FRAS1: variants seen among roughly 807,000 people sequenced by gnomAD.
FRAS1 encodes the protein extracellular matrix organizing protein FRAS1.
In FRAS1, 290 loss-of-function variants were observed where a neutral mutation model predicts 435.2. The observed-to-expected ratio is 0.67, with a 90% CI of 0.61 to 0.73. FRAS1 has a LOEUF of 0.73. FRAS1 is among the 30% of genes least tolerant of loss of function. The pLI is 0.00. For synonymous variants in FRAS1, 1,800 were observed against 1,851.0 expected (o/e 0.97, Z 0.71); for missense variants, 4,860 against 5,001.5 (o/e 0.97, Z 0.85).
At chr4:78,440,525 A>C (rs1455005601) in intron 40 of FRAS1, among the ~76,000 whole-genome samples, 1 of 152,198 alleles carries the variant, frequency 6.6e-6, no homozygotes, top group Non-Finnish European at 1.5e-5. Context: ...AGCAGGCTAG[A>C]GAAAAACACC....
intron 2 of FRAS1, among the ~76,000 whole-genome samples, chr4:78,087,930 A>C (rs536415194): frequency 4.7e-4 from 72 of 152,192 alleles, no homozygotes; most frequent in Non-Finnish European, 7.5e-4. Flanking sequence ...AACTACTTTA[A>C]AGTTCATATG....
At position 78,180,994 on chromosome 4, in the gene FRAS1, G is replaced by A. The variant is rs532399378; in HGVS notation, c.109-56516G>A. ...CCACCTTGTCCTCCCCTGCCGCCACGTCCTGGGCGGCCAAGGTCTCCAAAA... is the reference window on the plus strand; with the variant it reads ...CCACCTTGTCCTCCCCTGCCGCCACATCCTGGGCGGCCAAGGTCTCCAAAA... On this transcript the variant is annotated intron_variant, in intron 2 of 73. Coordinates refer to ENST00000512123, the MANE Select transcript of FRAS1 (RefSeq NM_025074.7). 2.6e-4 allele frequency: 416 copies of A among 1,610,234 alleles called. 3 individuals are homozygous for A. The South Asian group carries it at 4.3e-3, about 17-fold the overall frequency.
intron 20 of FRAS1, among the ~76,000 whole-genome samples, chr4:78,347,123 C>T (rs1413867704): frequency 6.6e-6 from 1 of 152,204 alleles, no homozygotes; most frequent in East Asian, 1.9e-4. Context: ...TCCACAGGTG[C>T]TTTTCTTCCT....
rs558181520 is a variant in FRAS1, at chr4:78,083,796, C to A, written c.108+17780C>A. Among the ~76,000 whole-genome samples, 6 of 152,082 alleles carry A rather than the reference C, an allele frequency of 3.9e-5. No individual in the cohort carries two copies. The South Asian group carries it at 1.0e-3, about 26-fold the overall frequency. On this transcript the variant is annotated intron_variant, in intron 2 of 73. Transcript: ENST00000512123. ...TTAGCTTCTCACCTAATATTGTTAG[C>A]ACCATCAATGAACATTACCTGGATC... is the stretch of plus-strand genomic sequence containing the variant.
chr4:78,067,675 A>ATTC (rs1740108746), intron 2 of FRAS1, among the ~76,000 whole-genome samples: 1 of 35,708 alleles, frequency 2.8e-5, no homozygotes, highest in African/African-American at 6.7e-5. Context: ...TCTTTCTTTT[A>ATTC]TTATTATTAT....
chr4:78,158,911 T>C (rs1165502698), intron 2 of FRAS1, among the ~76,000 whole-genome samples: 3 of 152,174 alleles, frequency 2.0e-5, no homozygotes, highest in Non-Finnish European at 4.4e-5. Context: ...TGTTCAGTAG[T>C]GATGAAGAGT....
In FRAS1 at chr4:78,379,955, C is replaced by A; in HGVS notation, c.3522C>A (p.Asn1174Lys). The A allele has an allele frequency of 6.2e-7, 1 of 1,613,616 alleles. No individual in the cohort carries two copies. The highest frequency in any genetic ancestry group is 1.1e-5 in the South Asian group (1 of 90,986). The change falls in exon 27 of 74, where the codon AAC becomes AAA. Residue 1174 changes from asparagine to lysine, a missense_variant. Transcript: ENST00000512123. ...GCCGTTTTAGCTGGAAAGATGTGAA[C>A]GAGAAGAAAGTGCGTTTTGTGCACA... ...KAGRFSWKDV[N>K]EKKVRFVHSK...
At chr4:78,462,081 C>T (rs1444698613) in intron 47 of FRAS1, among the ~76,000 whole-genome samples, 1 of 151,636 alleles carries the variant, frequency 6.6e-6, no homozygotes, top group African/African-American at 2.4e-5. Context: ...AAATTGCACA[C>T]TTTACGCCGG....
intron 2 of FRAS1, among the ~76,000 whole-genome samples, chr4:78,200,415 C>T (rs1459872098): frequency 1.3e-5 from 2 of 152,152 alleles, no homozygotes; most frequent in Non-Finnish European, 2.9e-5. Flanking sequence ...TATGTTATTG[C>T]TGACATATTT....
intron 14 of FRAS1, among the ~76,000 whole-genome samples, chr4:78,304,663 G>A (rs1397340532): frequency 2.0e-5 from 3 of 151,914 alleles, no homozygotes; most frequent in South Asian, 2.1e-4. Flanking sequence ...AGAGGTGTTT[G>A]TAGTATTCTC....
chr4:78,478,142 C>A, intron 55 of FRAS1, 81 bp downstream of exon 55: 1 of 1,402,296 alleles, frequency 7.1e-7, no homozygotes, highest in Non-Finnish European at 9.6e-7. Flanking sequence ...AAGCACTCAT[C>A]TCATGCATTA....
chr4:78,330,912 C>G (rs1172760370), intron 18 of FRAS1, among the ~76,000 whole-genome samples: 1 of 152,162 alleles, frequency 6.6e-6, no homozygotes, highest in African/African-American at 2.4e-5. Context: ...CTATTCGTAT[C>G]CTCCTTCCCC....
intron 30 of FRAS1, among the ~76,000 whole-genome samples, 178 bp from the exon 31 acceptor site, chr4:78,407,485 G>A (rs912423857): frequency 2.0e-5 from 3 of 152,066 alleles, no homozygotes; most frequent in African/African-American, 7.2e-5. Context: ...TGTTTCTAAA[G>A]GTGGATTCAA....
chr4:78,126,964 T>C (rs2109974882), intron 2 of FRAS1, among the ~76,000 whole-genome samples: 1 of 152,350 alleles, frequency 6.6e-6, no homozygotes, highest in African/African-American at 2.4e-5. Context: ...TTTATTCATT[T>C]GTGAATTTAG....
In FRAS1 at chr4:78,333,336, T is replaced by A. The variant is rs752401099; in HGVS notation, c.2202T>A (p.Pro734=). The A allele has an allele frequency of 1.9e-6, 3 of 1,612,566 alleles. No individual in the cohort carries two copies. In the East Asian group the frequency reaches 6.7e-5, roughly 36 times the overall value. Residue 734 remains proline, a synonymous_variant, in exon 19 of 74, where the codon CCT becomes CCA. Transcript: ENST00000512123. ...KSPHNCTDCG[P]SHVLLDGQCL... is the part of the protein sequence containing the mutation. ...CACATAACTGCACAGACTGTGGGCC[T>A]TCCCATGTGCTGTTGGATGGGCAGT... is the stretch of plus-strand genomic sequence containing the variant.
At chr4:78,096,679 C>T (rs1741824980) in intron 2 of FRAS1, among the ~76,000 whole-genome samples, 1 of 152,150 alleles carries the variant, frequency 6.6e-6, no homozygotes, top group African/African-American at 2.4e-5. Context: ...TACATTGGCC[C>T]CTTTCAGCCA....
Position 78,315,750 on chromosome 4 carries a change from C to A in FRAS1, c.1819+16C>A, listed in dbSNP as rs567416997. The A allele has an allele frequency of 2.6e-5, 42 of 1,613,476 alleles. No homozygotes were observed. The South Asian group carries it at 4.3e-4, about 16-fold the overall frequency. ...AGGTGCAAAGGTAAGAGATGGGTCA[C>A]CATCATCATCATCAAAAAGTATTGA... is the stretch of plus-strand genomic sequence containing the variant. On this transcript the variant is annotated intron_variant, in intron 16 of 73. Coordinates refer to ENST00000512123, the MANE Select transcript of FRAS1 (RefSeq NM_025074.7).
At chr4:78,205,541 T>C (rs771775819) in intron 2 of FRAS1, among the ~76,000 whole-genome samples, 1 of 152,240 alleles carries the variant, frequency 6.6e-6, no homozygotes, top group Non-Finnish European at 1.5e-5. Flanking sequence ...AGAAATGTTC[T>C]TTCAAATCTC....
chr4:78,078,099 A>G (rs1740739191), intron 2 of FRAS1, among the ~76,000 whole-genome samples: 1 of 152,146 alleles, frequency 6.6e-6, no homozygotes, highest in Non-Finnish European at 1.5e-5. Context: ...TTAACTTAAT[A>G]CTGTATAATA....
Sources: allele counts gnomAD v4.1 joint callset (sites outside exome capture counted in the v4.1 genomes callset), GRCh38; gene constraint gnomAD v4.1.1; transcripts MANE v1.5; gene names NCBI Gene and HGNC (gene_info 2026-07-23, HGNC 2026-07-21).